Variants in PCDHA9 observed in about 807,000 individuals in gnomAD.
PCDHA9 encodes the protein protocadherin alpha 9, also known as protocadherin alpha-9.
Under a neutral mutation model 62.0 loss-of-function variants are expected in PCDHA9, and 62 were observed. That is an observed-to-expected ratio of 1.00 (90% CI 0.81 to 1.23). The LOEUF (loss-of-function observed/expected upper bound fraction) is 1.23. Among genes scored for constraint, PCDHA9 ranks in the 50% most tolerant of loss-of-function variants. The pLI, the probability that PCDHA9 is intolerant of heterozygous loss-of-function variation, is 0.00. For synonymous variants in PCDHA9, 557 were observed against 567.6 expected (o/e 0.98, Z 0.27); for missense variants, 1,205 against 1,249.8 (o/e 0.96, Z 0.54).
chr5:140,995,954 A>G (rs2097705768), intron 3 of PCDHA9, among the ~76,000 whole-genome samples: 1 of 152,226 alleles, frequency 6.6e-6, no homozygotes, highest in South Asian at 2.1e-4. Context: ...TGCACGCAAA[A>G]TGCTTAGAAC....
chr5:140,967,332 C>G, intron 1 of PCDHA9: 2 of 1,608,024 alleles, frequency 1.2e-6, no homozygotes, highest in Non-Finnish European at 1.7e-6. Context: ...GAGCTCAGCC[C>G]CAGCGAGCAC....
intron 1 of PCDHA9, among the ~76,000 whole-genome samples, chr5:140,855,264 T>C (rs560224323): frequency 1.3e-5 from 2 of 149,870 alleles, no homozygotes; most frequent in South Asian, 4.2e-4. Context: ...TATATTATAA[T>C]TCACTCAACC....
At chr5:140,919,976 G>A (rs552658832) in intron 1 of PCDHA9, among the ~76,000 whole-genome samples, 1 of 134,018 alleles carries the variant, frequency 7.5e-6, no homozygotes, top group Non-Finnish European at 1.7e-5. Context: ...ATAAGAGATA[G>A]AAGATGGAAA....
chr5:140,943,276 AAG>A (rs1491082610), intron 1 of PCDHA9, among the ~76,000 whole-genome samples: 3,151 of 135,552 alleles, frequency 0.023, 213 homozygotes, highest in African/African-American at 0.087. Flanking sequence ...AAAAAAAAAA[AAG>A]AAAGAAAGAA....
rs371906545 is a variant in PCDHA9, at chr5:140,875,244, A to C, written c.2394+24355A>C. 9 of 951,720 alleles carry C rather than the reference A, an allele frequency of 9.5e-6. No homozygotes were observed. The East Asian group carries it at 2.2e-4, about 24-fold the overall frequency. The allele number at this position is 951,720 out of a possible 1,614,324, so 59.0% of individuals were successfully genotyped here. A position where few individuals can be genotyped will look rare whatever the true frequency, so the allele number is the denominator to read the frequency against. ...TCAGGATCTTTCTTGTACTTACATA[A>C]TCAGTCACATGATGTCGCTCTACAC... On this transcript the variant is annotated intron_variant, in intron 1 of 3. Transcript: ENST00000532602.
At chr5:140,919,614 T>C (rs1186816141) in intron 1 of PCDHA9, among the ~76,000 whole-genome samples, 1 of 152,212 alleles carries the variant, frequency 6.6e-6, no homozygotes, top group Non-Finnish European at 1.5e-5. Flanking sequence ...TTAAACTGTA[T>C]CTTTTGAGTT....
intron 1 of PCDHA9, chr5:140,968,340 A>G: frequency 6.2e-7 from 1 of 1,614,136 alleles, no homozygotes; most frequent in African/African-American, 1.3e-5. Context: ...GTCTCCATTA[A>G]CAGTGCCAGT....
At chr5:140,919,545 T>C (rs572558911) in intron 1 of PCDHA9, among the ~76,000 whole-genome samples, 15 of 152,314 alleles carry the variant, frequency 9.8e-5, no homozygotes, top group African/African-American at 3.6e-4. Flanking sequence ...ACTTTTCATT[T>C]ACTGATTTAT....
At chr5:140,886,605 A>G (rs998772471) in intron 1 of PCDHA9, among the ~76,000 whole-genome samples, 2 of 152,108 alleles carry the variant, frequency 1.3e-5, no homozygotes, top group Non-Finnish European at 2.9e-5. Flanking sequence ...AGGTGGGCGG[A>G]TCAGGAGATC....
At position 140,885,065 on chromosome 5, in the gene PCDHA9, T is replaced by TA. The variant is rs1440762512; in HGVS notation, c.2394+34177dup. ...TTAATGTATACATATACCCACAAGATATTATTTTAAAGAGCCCCATAACTT... is the reference window on the plus strand; with the variant it reads ...TTAATGTATACATATACCCACAAGATAATTATTTTAAAGAGCCCCATAACTT... On this transcript the variant is annotated intron_variant, in intron 1 of 3. Coordinates refer to ENST00000532602, the MANE Select transcript of PCDHA9 (RefSeq NM_031857.2). Among the ~76,000 whole-genome samples the TA allele has an allele frequency of 7.2e-5, 11 of 152,294 alleles. 1 individual carries two copies. Among genetic ancestry groups the TA allele is most frequent in the African/African-American group, 2.6e-4 (11 of 41,580 alleles).
chr5:140,899,402 G>T (rs1465071147), intron 1 of PCDHA9, among the ~76,000 whole-genome samples: 2 of 152,004 alleles, frequency 1.3e-5, no homozygotes, highest in South Asian at 2.1e-4. Context: ...TAGCATGAAG[G>T]GTTGTTGAAT....
chr5:140,977,720 A>C (rs1156806702), intron 1 of PCDHA9, among the ~76,000 whole-genome samples: 1 of 152,202 alleles, frequency 6.6e-6, no homozygotes, highest in African/African-American at 2.4e-5. Flanking sequence ...GATGGTGATC[A>C]TTTCTCTCCT....
intron 1 of PCDHA9, chr5:140,929,690 C>T (rs921103809): frequency 1.4e-5 from 4 of 278,364 alleles, no homozygotes; most frequent in Non-Finnish European, 2.8e-5. Context: ...TAAGAGTCTG[C>T]TTTATATGAA....
intron 1 of PCDHA9, among the ~76,000 whole-genome samples, chr5:140,931,584 AAC>A (rs1355868674): frequency 1.3e-5 from 2 of 152,054 alleles, no homozygotes; most frequent in Admixed American, 1.3e-4. Flanking sequence ...CATTCAGTTG[AAC>A]AGTCTTTTTC....
rs1554151191 is a variant in PCDHA9, at chr5:140,858,123, T to A, written c.2394+7234T>A. The A allele has an allele frequency of 6.3e-7, 1 of 1,597,678 alleles. No individual in the cohort carries two copies. Among genetic ancestry groups the A allele is most frequent in the South Asian group, 1.1e-5 (1 of 90,530 alleles). ...GGCGTGGCGCCCGAGGTGGCCCTGG[T>A]GGATGTCAACGTGTACCTGATCATC... On this transcript the variant is annotated intron_variant, in intron 1 of 3. Coordinates refer to ENST00000532602, the MANE Select transcript of PCDHA9 (RefSeq NM_031857.2).
intron 2 of PCDHA9, among the ~76,000 whole-genome samples, chr5:140,980,790 T>G (rs557225636): frequency 5.3e-4 from 80 of 152,312 alleles, no homozygotes; most frequent in African/African-American, 1.9e-3. Flanking sequence ...TGCCATTTCT[T>G]TTTTGCATTG....
chr5:140,856,824 T>C (rs1554149171), intron 1 of PCDHA9: 1 of 1,592,156 alleles, frequency 6.3e-7, no homozygotes, highest in Middle Eastern at 1.7e-4. Flanking sequence ...AACCAAACAT[T>C]AGTAATACGG....
At chr5:140,971,244 A>G (rs1389573593) in intron 1 of PCDHA9, among the ~76,000 whole-genome samples, 6 of 152,174 alleles carry the variant, frequency 3.9e-5, no homozygotes, top group Non-Finnish European at 8.8e-5. Context: ...GGGCAATTTG[A>G]TACATAAACT....
chr5:140,948,005 T>G (rs246049), intron 1 of PCDHA9, among the ~76,000 whole-genome samples: 85,182 of 151,072 alleles, frequency 0.56, 24,606 homozygotes, highest in African/African-American at 0.69. Flanking sequence ...TTATTAAATT[T>G]AGGAAGTACC....
Sources: allele counts gnomAD v4.1 joint callset (sites outside exome capture counted in the v4.1 genomes callset), GRCh38; gene constraint gnomAD v4.1.1; transcripts MANE v1.5; gene names NCBI Gene and HGNC (gene_info 2026-07-23, HGNC 2026-07-21).